Variants in CDH9 observed in about 807,000 individuals in gnomAD.
CDH9 encodes the protein cadherin 9, also known as cadherin-9.
CDH9 carries 28 observed loss-of-function variants against 70.9 expected under a neutral mutation model. The observed-to-expected ratio is 0.40, with a 90% CI of 0.29 to 0.54. CDH9 has a LOEUF of 0.54. Among genes scored for constraint, CDH9 ranks in the 20% least tolerant of loss-of-function variants. The probability of loss-of-function intolerance (pLI) is 0.59; values close to 1 mark genes in which losing one functional copy is unlikely to be tolerated. For missense variants in CDH9, 874 were observed against 984.4 expected (o/e 0.89, Z 1.50); for synonymous variants, 409 against 343.1 (o/e 1.19, Z -2.12).
chr5:26,891,733 A>C (rs1261253601), intron 7 of CDH9, among the ~76,000 whole-genome samples: 1 of 152,112 alleles, frequency 6.6e-6, no homozygotes, highest in Non-Finnish European at 1.5e-5. Context: ...ATTGGTTTAG[A>C]GAGATGAAAC....
At chr5:27,026,998 AG>A (rs1468550663) in intron 1 of CDH9, among the ~76,000 whole-genome samples, 1 of 151,974 alleles carries the variant, frequency 6.6e-6, no homozygotes, top group Non-Finnish European at 1.5e-5. Context: ...CAAGACTAAA[AG>A]GGGGAAGTCG....
chr5:27,017,136 T>G (rs1743059849), intron 1 of CDH9, among the ~76,000 whole-genome samples: 1 of 151,804 alleles, frequency 6.6e-6, no homozygotes, highest in African/African-American at 2.4e-5. Flanking sequence ...AAAGTACTTT[T>G]CAAAAAATAT....
chr5:26,901,069 G>C (rs1046860564), intron 7 of CDH9, among the ~76,000 whole-genome samples: 1 of 151,862 alleles, frequency 6.6e-6, no homozygotes, highest in African/African-American at 2.4e-5. Flanking sequence ...ATTGGTCATT[G>C]GACGGCTAGA....
At position 26,918,408 on chromosome 5, in the gene CDH9, C is replaced by G. The variant is rs1187601176; in HGVS notation, c.229-2484G>C. Among the ~76,000 whole-genome samples, 5 of 152,184 alleles carry G rather than the reference C, an allele frequency of 3.3e-5. No homozygotes were observed. In the East Asian group the frequency reaches 9.6e-4, roughly 29 times the overall value. On this transcript the variant is annotated intron_variant, in intron 2 of 11. Transcript: ENST00000231021. Reference sequence around the variant, plus strand: ...TCATCACATTTGATGTAATTGTTTACCATGCCCACTAAACTGTAAAATACA... The same window carrying G: ...TCATCACATTTGATGTAATTGTTTAGCATGCCCACTAAACTGTAAAATACA...
At chr5:26,970,725 T>C (rs1368192883) in intron 2 of CDH9, among the ~76,000 whole-genome samples, 2 of 151,874 alleles carry the variant, frequency 1.3e-5, no homozygotes, top group African/African-American at 2.4e-5. Context: ...TTTTTCCATA[T>C]ATTTACATAG....
chr5:27,012,514 CA>C (rs760490106), intron 1 of CDH9, among the ~76,000 whole-genome samples: 26 of 151,888 alleles, frequency 1.7e-4, no homozygotes, highest in Non-Finnish European at 3.4e-4. Context: ...TTCTTGGCAC[CA>C]ATGCCAATTT....
chr5:26,925,381 C>A (rs2112017148), intron 2 of CDH9, among the ~76,000 whole-genome samples: 1 of 152,202 alleles, frequency 6.6e-6, no homozygotes, highest in South Asian at 2.1e-4. Context: ...CCTTTGCCCA[C>A]TTTCTGATGG....
At chr5:26,941,941 G>A (rs1420478436) in intron 2 of CDH9, among the ~76,000 whole-genome samples, 3 of 152,176 alleles carry the variant, frequency 2.0e-5, no homozygotes, top group Non-Finnish European at 2.9e-5. Flanking sequence ...GGCATCACAT[G>A]GCAAGAGGGC....
At chr5:26,993,018 C>G (rs1742604278) in intron 1 of CDH9, among the ~76,000 whole-genome samples, 1 of 151,644 alleles carries the variant, frequency 6.6e-6, no homozygotes, top group Admixed American at 6.6e-5. Context: ...ATCACTTGAA[C>G]CCGGGAGGCG....
chr5:26,937,040 C>A (rs543419696), intron 2 of CDH9, among the ~76,000 whole-genome samples: 2 of 152,134 alleles, frequency 1.3e-5, no homozygotes, highest in South Asian at 4.1e-4. Context: ...AATTGAACTT[C>A]ATTAAAGTTA....
intron 2 of CDH9, among the ~76,000 whole-genome samples, chr5:26,985,964 C>A (rs752152391): frequency 2.0e-5 from 3 of 151,626 alleles, no homozygotes; most frequent in Non-Finnish European, 4.4e-5. Context: ...AGAGTAAATG[C>A]CCTTAATAAG....
chr5:27,023,092 C>T (rs1214580482), intron 1 of CDH9, among the ~76,000 whole-genome samples: 1 of 151,916 alleles, frequency 6.6e-6, no homozygotes, highest in Admixed American at 6.6e-5. Flanking sequence ...AAAATGAAGA[C>T]GTTAAGCCCC....
rs34242888 is a variant in CDH9 at position 26,977,472 on chromosome 5, C to CGT, written c.228+10632_228+10633dup. On this transcript the variant is annotated intron_variant, in intron 2 of 11. Coordinates refer to ENST00000231021, the MANE Select transcript of CDH9 (RefSeq NM_016279.4). Reference sequence around the variant, plus strand: ...TTTTATATAGAGATATATATGTGTGCGTGTGTGTGTGTGTATATATATATA... The same window carrying CGT: ...TTTTATATAGAGATATATATGTGTGCGTGTGTGTGTGTGTGTATATATATATA... Among the ~76,000 whole-genome samples, 399 of 141,730 alleles carry CGT rather than the reference C, an allele frequency of 2.8e-3. 4 individuals are homozygous for CGT. Among genetic ancestry groups the CGT allele is most frequent in the African/African-American group, 0.01 (362 of 35,922 alleles). The allele number at this position is 141,730 out of a possible 152,430, so 93.0% of individuals were successfully genotyped here. A position where few individuals can be genotyped will look rare whatever the true frequency, so the allele number is the denominator to read the frequency against.
chr5:26,984,703 C>T (rs915231069), intron 2 of CDH9, among the ~76,000 whole-genome samples: 10 of 152,014 alleles, frequency 6.6e-5, no homozygotes, highest in Admixed American at 3.9e-4. Context: ...ATAATTCAGT[C>T]ACAAGTGTCT....
chr5:26,934,674 C>G (rs1741528119), intron 2 of CDH9, among the ~76,000 whole-genome samples: 1 of 152,086 alleles, frequency 6.6e-6, no homozygotes, highest in East Asian at 1.9e-4. Flanking sequence ...TGAAATGAAC[C>G]AATTCATTAA....
intron 2 of CDH9, among the ~76,000 whole-genome samples, chr5:26,925,909 T>C (rs1741328271): frequency 6.6e-6 from 1 of 152,046 alleles, no homozygotes; most frequent in Non-Finnish European, 1.5e-5. Flanking sequence ...TGCTAAAAAC[T>C]CTCCATAAAC....
chr5:26,902,554 ACTT>A lies in CDH9; in HGVS notation c.1172_1174del (p.Glu391del). ...ACTGCCCTCCTTTACATCTTCATCT[ACTT>A]CTATCAAGTAAGAGACTTTAGTGAA... On this transcript the variant is annotated inframe_deletion, in exon 7 of 12. Transcript: ENST00000231021. The A allele has an allele frequency of 6.3e-7, 1 of 1,592,462 alleles. No individual in the cohort carries two copies. Among genetic ancestry groups the A allele is most frequent in the Non-Finnish European group, 8.6e-7 (1 of 1,160,746 alleles).
chr5:26,951,160 G>A (rs1741836712), intron 2 of CDH9, among the ~76,000 whole-genome samples: 1 of 151,810 alleles, frequency 6.6e-6, no homozygotes, highest in African/African-American at 2.4e-5. Context: ...AGGCATGGTG[G>A]CATGTGCCTG....
chr5:26,903,474 T>C, intron 6 of CDH9, 163 bp downstream of exon 6: 1 of 712,960 alleles, frequency 1.4e-6, no homozygotes, highest in Non-Finnish European at 2.6e-6. Context: ...ATGAAGACAT[T>C]TAACTTGCTT....
Sources: allele counts gnomAD v4.1 joint callset (sites outside exome capture counted in the v4.1 genomes callset), GRCh38; gene constraint gnomAD v4.1.1; transcripts MANE v1.5; gene names NCBI Gene and HGNC (gene_info 2026-07-23, HGNC 2026-07-21).